The following RC3H1 variants were observed in gnomAD, a reference collection of about 807,000 sequenced individuals.
The protein encoded by RC3H1 is roquin-1.
Under a neutral mutation model 138.2 loss-of-function variants are expected in RC3H1, and 50 were observed. The ratio of observed to expected loss-of-function variants is 0.36; its 90% CI spans 0.29 to 0.46. The LOEUF is 0.46. RC3H1 is among the 20% of genes least tolerant of loss of function. The probability of loss-of-function intolerance (pLI) is 1.00; values close to 1 mark genes in which losing one functional copy is unlikely to be tolerated. For missense variants in RC3H1, 1,031 were observed against 1,388.1 expected (o/e 0.74, Z 4.09); for synonymous variants, 462 against 489.1 (o/e 0.94, Z 0.73).
chr1:174,009,878 G>T (rs1433429086), intron 1 of RC3H1, among the ~76,000 whole-genome samples: 2 of 152,058 alleles, frequency 1.3e-5, no homozygotes, highest in African/African-American at 4.8e-5. Flanking sequence ...AACTATTTTT[G>T]AGTACACTCT....
intron 5 of RC3H1, among the ~76,000 whole-genome samples, chr1:173,982,225 C>A (rs986151987): frequency 6.6e-6 from 1 of 151,980 alleles, no homozygotes; most frequent in Non-Finnish European, 1.5e-5. Context: ...ACCAAAAATA[C>A]AAAAAGTAGC....
chr1:173,943,763 T>G, intron 17 of RC3H1, 148 bp from the exon 18 acceptor site: 1 of 607,098 alleles, frequency 1.6e-6, no homozygotes, highest in Non-Finnish European at 2.5e-6. Flanking sequence ...GCTGTTCTCT[T>G]TGAGTACCAT....
At chr1:173,943,282 T>C (rs1256039676) in intron 18 of RC3H1, among the ~76,000 whole-genome samples, 160 bp downstream of exon 18, 1 of 152,196 alleles carries the variant, frequency 6.6e-6, no homozygotes, top group African/African-American at 2.4e-5. Context: ...AGGAAGGGAA[T>C]GATAAAATCG....
chr1:174,007,247 G>A (rs887542927), intron 1 of RC3H1, among the ~76,000 whole-genome samples: 8 of 151,908 alleles, frequency 5.3e-5, no homozygotes, highest in Admixed American at 1.3e-4. Flanking sequence ...AAAATTAGCC[G>A]GGCGTGGTGG....
At chr1:174,005,487 A>G (rs3980286) in intron 1 of RC3H1, among the ~76,000 whole-genome samples, 44,016 of 152,146 alleles carry the variant, frequency 0.29, 11,399 homozygotes, top group African/African-American at 0.7. Flanking sequence ...GAGAAAACAT[A>G]TAATATTGAT....
At chr1:173,981,794 G>A (rs1660830559) in intron 5 of RC3H1, among the ~76,000 whole-genome samples, 1 of 152,104 alleles carries the variant, frequency 6.6e-6, no homozygotes, top group South Asian at 2.1e-4. Flanking sequence ...ATTATGATTA[G>A]AAGGCTGGAG....
rs760878522 is a variant in RC3H1, at chr1:173,932,362, G to T, written c.*6359C>A. 7.9e-5 allele frequency: 12 copies of T among 152,014 alleles called. No homozygotes were observed. The highest frequency in any genetic ancestry group is 2.9e-4 in the African/African-American group (12 of 41,410). The allele number at this position is 152,014 out of a possible 1,614,324, so 9.4% of individuals were successfully genotyped here. On this transcript the variant is annotated 3_prime_UTR_variant, in exon 20 of 20. Transcript: ENST00000367696. The stretch of plus-strand genomic sequence containing the variant: ...TAGTCAGAGAAAAAGGGCAGAAGGG[G>T]TAACAAGGGGAAGACACCACAAACA...
In RC3H1 at chr1:173,955,504, G is replaced by A. The variant is rs1352484411; in HGVS notation, c.2371-3366C>T. On this transcript the variant is annotated intron_variant, in intron 13 of 19. Coordinates refer to ENST00000367696, the MANE Select transcript of RC3H1 (RefSeq NM_172071.4). ...GGCTAGTTTTGTTTTCGTATTTTTC[G>A]TAGAGACAGGGTTTCACTGTTAGCC... Among the ~76,000 whole-genome samples, 8 of 151,260 alleles carry A rather than the reference G, an allele frequency of 5.3e-5. No homozygotes were observed. In the East Asian group the frequency reaches 1.2e-3, roughly 23 times the overall value.
intron 2 of RC3H1, among the ~76,000 whole-genome samples, chr1:173,990,389 T>C (rs1481638814): frequency 6.6e-6 from 1 of 151,328 alleles, no homozygotes; most frequent in Non-Finnish European, 1.5e-5. Context: ...TAATTTTACA[T>C]TTCTTTTGTT....
Position 173,961,243 on chromosome 1 carries a change from TC to T in RC3H1, c.2203del (p.Glu735AsnfsTer17). 1 of 1,603,152 alleles carries T rather than the reference TC, an allele frequency of 6.2e-7. No individual in the cohort carries two copies. The highest frequency in any genetic ancestry group is 8.5e-7 in the Non-Finnish European group (1 of 1,176,950). On this transcript the variant is annotated frameshift_variant and splice_region_variant, in exon 13 of 20. Coordinates refer to ENST00000367696, the MANE Select transcript of RC3H1 (RefSeq NM_172071.4). LOFTEE classifies it high-confidence loss of function. ...AGGAGGAAGCCGGCTATAAGGAGGT[TC>T]CTAAAAATAGAAAGATTAGTTAAAA... ...PTQIRPSYLR[E>X]PPYSRLPPPP... is the part of the protein sequence containing the mutation.
chr1:173,939,457 A>C (rs1011604719), intron 19 of RC3H1, among the ~76,000 whole-genome samples: 1 of 143,980 alleles, frequency 6.9e-6, no homozygotes, highest in Non-Finnish European at 1.5e-5. Context: ...CTTGAACCTG[A>C]GAGGCAGAGG....
chr1:173,970,581 G>T lies in RC3H1; in HGVS notation c.1258C>A (p.Arg420=). The T allele has an allele frequency of 6.2e-7, 1 of 1,613,722 alleles. No individual in the cohort carries two copies. Among genetic ancestry groups the T allele is most frequent in the South Asian group, 1.1e-5 (1 of 91,008 alleles). Residue 420 remains arginine (R), a synonymous_variant, in exon 9 of 20, where the codon CGA becomes AGA. Coordinates refer to ENST00000367696, the MANE Select transcript of RC3H1 (RefSeq NM_172071.4). ...CATCCTCCTCTCTGCTTCATATCTCGACACATGTATGTTTTGTATTTGCTA... is the reference window on the plus strand; with the variant it reads ...CATCCTCCTCTCTGCTTCATATCTCTACACATGTATGTTTTGTATTTGCTA... ...QHSKYKTYMC[R]DMKQRGGCPR...
At chr1:174,002,462 A>G (rs1186162394) in intron 1 of RC3H1, among the ~76,000 whole-genome samples, 1 of 152,154 alleles carries the variant, frequency 6.6e-6, no homozygotes, top group Non-Finnish European at 1.5e-5. Context: ...GGGTGGCACT[A>G]ATATTCTGTT....
At chr1:173,950,448 A>G (rs936611440) in intron 14 of RC3H1, among the ~76,000 whole-genome samples, 6 of 146,904 alleles carry the variant, frequency 4.1e-5, no homozygotes, top group Non-Finnish European at 7.5e-5. Flanking sequence ...AAAAGAGCTG[A>G]GCATAGTATC....
chr1:173,977,490 A>G (rs546540440), intron 7 of RC3H1, among the ~76,000 whole-genome samples: 1 of 152,364 alleles, frequency 6.6e-6, no homozygotes, highest in South Asian at 2.1e-4. Flanking sequence ...ATTATCAGAA[A>G]GAGGAAACAT....
chr1:173,990,853 C>T (rs922942607), intron 2 of RC3H1, among the ~76,000 whole-genome samples: 1 of 152,138 alleles, frequency 6.6e-6, no homozygotes, highest in African/African-American at 2.4e-5. Context: ...CCACCCGCCT[C>T]GGCCTCCCAA....
At chr1:173,968,856 A>ATTTTTTT (rs370550482) in intron 9 of RC3H1, among the ~76,000 whole-genome samples, 3 of 128,112 alleles carry the variant, frequency 2.3e-5, no homozygotes, top group Non-Finnish European at 3.3e-5. Flanking sequence ...AGGAATTTTG[A>ATTTTTTT]TTTTTTTTTT....
chr1:173,970,658 C>T (rs1571205513), intron 8 of RC3H1, 41 bp from the exon 9 acceptor site: 6 of 1,231,864 alleles, frequency 4.9e-6, no homozygotes, highest in Non-Finnish European at 5.8e-6. Context: ...AATAACCCCC[C>T]ACAAAAAAAC....
At position 173,983,455 on chromosome 1, in the gene RC3H1, T is replaced by C. The variant is rs755456519; in HGVS notation, c.555A>G (p.Ala185=). 2 of 1,614,100 alleles carry C rather than the reference T, an allele frequency of 1.2e-6. No homozygotes were observed. The highest frequency in any genetic ancestry group is 2.7e-5 in the African/African-American group (2 of 74,950). ...NPQQLSSNLW[A]AVRARGCQFL... is the part of the protein sequence containing the mutation. ...ACTGGCATCCCCTAGCCCTTACTGC[T>C]GCCCAAAGATTGGAAGAGAGTTGCT... Residue 185 remains alanine, a synonymous_variant, in exon 4 of 20, where the codon GCA becomes GCG. Coordinates refer to ENST00000367696, the MANE Select transcript of RC3H1 (RefSeq NM_172071.4).
Sources: allele counts gnomAD v4.1 joint callset (sites outside exome capture counted in the v4.1 genomes callset), GRCh38; gene constraint gnomAD v4.1.1; transcripts MANE v1.5; gene names NCBI Gene and HGNC (gene_info 2026-07-23, HGNC 2026-07-21).